Variants in CLEC12A observed in about 807,000 individuals in gnomAD.
CLEC12A encodes the protein C-type lectin protein CLL-1.
Under a neutral mutation model 26.5 loss-of-function variants are expected in CLEC12A, and 22 were observed. The ratio of observed to expected loss-of-function variants is 0.83; its 90% confidence interval spans 0.59 to 1.19. The LOEUF is 1.19. Among genes scored for constraint, CLEC12A ranks in the 50% most tolerant of loss-of-function variants. The pLI is 0.00. For missense variants in CLEC12A, 353 were observed against 315.6 expected, an observed-to-expected ratio of 1.12 and a Z score of -0.90; for synonymous variants, 119 against 101.9, an observed-to-expected ratio of 1.17 and a Z score of -1.01.
chr12:9,999,148 A>G (rs118077922), downstream of CLEC12A: 11,531 of 1,298,026 alleles, frequency 8.9e-3, 141 homozygotes, highest in Admixed American at 0.045. Context: ...GACTTTGCAA[A>G]ATGTAGTTTC....
downstream of CLEC12A, chr12:9,986,163 A>C (rs762087580): frequency 6.6e-6 from 3 of 455,340 alleles, no homozygotes. Context: ...GTTTTCCTGG[A>C]AGTAAAACAA....
intron 3 of CLEC12A, among the ~76,000 whole-genome samples, chr12:9,980,121 A>G (rs888715659): frequency 6.6e-6 from 1 of 152,218 alleles, no homozygotes; most frequent in Non-Finnish European, 1.5e-5. Context: ...TCCAGTAATT[A>G]GTTTTTATTG....
intron 4 of CLEC12A, chr12:9,991,134 A>G (rs1228844848): frequency 6.6e-6 from 1 of 152,182 alleles, no homozygotes; most frequent in Non-Finnish European, 1.5e-5. Flanking sequence ...CTGAACCCAC[A>G]ATATTTCCGA....
intron 1 of CLEC12A, among the ~76,000 whole-genome samples, chr12:9,964,629 G>A (rs1863897924): frequency 6.6e-6 from 1 of 152,094 alleles, no homozygotes; most frequent in African/African-American, 2.4e-5. Context: ...TGATGTGTAG[G>A]GAAAGGAGGG....
At chr12:10,001,881 C>CTTTTTT in the CLEC12A span, among the ~76,000 whole-genome samples, 2 of 134,214 alleles carry the variant, frequency 1.5e-5, no homozygotes, top group African/African-American at 2.8e-5. Context: ...TAAACAAAAT[C>CTTTTTT]TTTTTTTTTT....
intron 1 of CLEC12A, among the ~76,000 whole-genome samples, chr12:9,971,939 T>C: frequency 6.6e-6 from 1 of 152,112 alleles, no homozygotes; most frequent in South Asian, 2.1e-4. Context: ...CTCAATATAA[T>C]TGGGACAGAA....
chr12:9,973,713 AT>A (rs1206526647), intron 1 of CLEC12A, among the ~76,000 whole-genome samples: 1 of 151,960 alleles, frequency 6.6e-6, no homozygotes, highest in Non-Finnish European at 1.5e-5. Context: ...TCCAGATAGT[AT>A]TTACGATAAG....
chr12:9,993,315 C>A (rs2137229959), intron 4 of CLEC12A: 1 of 1,523,288 alleles, frequency 6.6e-7, no homozygotes. Context: ...GAATAAATTC[C>A]TTTGAAAACT....
chr12:9,951,298 C>T (rs982566607), upstream of CLEC12A: 1 of 702,730 alleles, frequency 1.4e-6, no homozygotes, highest in African/African-American at 1.7e-5. Context: ...CAGCCCCAAC[C>T]ACATTTCTGA....
intron 1 of CLEC12A, 63 bp downstream of exon 1, chr12:9,971,750 T>A: frequency 7.3e-7 from 1 of 1,373,484 alleles, no homozygotes; most frequent in Admixed American, 2.2e-5. Context: ...TAGACTTGCA[T>A]CTTCAATATT....
At chr12:9,954,871 G>C (rs1863717161) in intron 1 of CLEC12A, among the ~76,000 whole-genome samples, 1 of 152,138 alleles carries the variant, frequency 6.6e-6, no homozygotes, top group Admixed American at 6.5e-5. Flanking sequence ...CTTTGGAATT[G>C]TCAGCATACT....
At chr12:9,958,600 A>G (rs7314437) in intron 1 of CLEC12A, among the ~76,000 whole-genome samples, 36,057 of 152,204 alleles carry the variant, frequency 0.24, 4,840 homozygotes, top group East Asian at 0.47. Flanking sequence ...GTGGCCTTAT[A>G]CAAACTCTGG....
At chr12:10,000,358 C>T (rs1865144271), downstream of CLEC12A, among the ~76,000 whole-genome samples, 1 of 152,132 alleles carries the variant, frequency 6.6e-6, no homozygotes, top group Non-Finnish European at 1.5e-5. Context: ...ATCTTTCATT[C>T]TAAATTTCTT....
intron 1 of CLEC12A, among the ~76,000 whole-genome samples, chr12:9,955,107 A>G (rs1313895004): frequency 6.6e-6 from 1 of 152,132 alleles, no homozygotes; most frequent in Non-Finnish European, 1.5e-5. Context: ...TTTTTTTAAA[A>G]ACGGAGTCTC....
intron 3 of CLEC12A, among the ~76,000 whole-genome samples, chr12:9,980,029 T>C (rs968539035): frequency 6.6e-6 from 1 of 152,172 alleles, no homozygotes; most frequent in African/African-American, 2.4e-5. Flanking sequence ...AACCTCAAAG[T>C]TTCAACATTT....
chr12:9,963,399 A>G (rs944441273), intron 1 of CLEC12A, among the ~76,000 whole-genome samples: 2 of 145,810 alleles, frequency 1.4e-5, no homozygotes, highest in African/African-American at 4.9e-5. Flanking sequence ...AACTGCAGCT[A>G]AAGAGTCAAC....
chr12:9,986,576 C>T (rs34833955), downstream of CLEC12A, among the ~76,000 whole-genome samples: 10,169 of 152,160 alleles, frequency 0.067, 413 homozygotes, highest in Middle Eastern at 0.092. Flanking sequence ...GTTGGGAGGC[C>T]AAGGCAGGTG....
chr12:9,999,113 AC>A (rs770934564), downstream of CLEC12A: 8 of 1,588,674 alleles, frequency 5.0e-6, no homozygotes, highest in African/African-American at 8.1e-5. Context: ...CTTCCCGAGT[AC>A]TGCAACTGAG....
At chr12:9,997,120 G>A, downstream of CLEC12A, 1 of 1,611,668 alleles carries the variant, frequency 6.2e-7, no homozygotes, top group Non-Finnish European at 8.5e-7. Flanking sequence ...AAATGCTCCA[G>A]GGGTTGGAGA....
Sources: allele counts gnomAD v4.1 joint callset (sites outside exome capture counted in the v4.1 genomes callset), GRCh38; gene constraint gnomAD v4.1.1; transcripts MANE v1.5; gene names NCBI Gene and HGNC (gene_info 2026-07-23, HGNC 2026-07-21).